Variants in KCNAB1 observed in about 807,000 individuals in gnomAD.
The protein encoded by KCNAB1 is voltage-gated potassium channel subunit beta-1.
A neutral mutation model predicts 64.6 loss-of-function variants in KCNAB1; 35 were observed. The ratio of observed to expected loss-of-function variants is 0.54; its 90% CI spans 0.41 to 0.72. The LOEUF (loss-of-function observed/expected upper bound fraction) is 0.72, where lower values mean the gene tolerates loss of function less well. Ranked by LOEUF, KCNAB1 falls within the 30% of genes least tolerant of loss-of-function variation. The pLI, the probability that KCNAB1 is intolerant of heterozygous loss-of-function variation, is 0.00. For synonymous variants in KCNAB1, 177 were observed against 183.8 expected, an observed-to-expected ratio of 0.96 and a Z score of 0.30; for missense variants, 401 against 512.9, an observed-to-expected ratio of 0.78 and a Z score of 2.11.
In KCNAB1 at chr3:156,538,325, A is replaced by G. The variant is rs1415799338; in HGVS notation, c.*1578A>G. 2 of 152,164 alleles carry G rather than the reference A, an allele frequency of 1.3e-5. No homozygotes were observed. Among genetic ancestry groups the G allele is most frequent in the African/African-American group, 4.8e-5 (2 of 41,428 alleles). 9.4% of individuals were successfully genotyped at this position (152,164 alleles called of 1,614,324 possible). On this transcript the variant is annotated 3_prime_UTR_variant, in exon 14 of 14. Transcript: ENST00000490337. ...ATGCGATTTTTCTGTCATTAGTTCT[A>G]GATATGTACTTCATGGTTAAATTCT...
At chr3:156,513,378 T>C (rs1002888892) in intron 8 of KCNAB1, among the ~76,000 whole-genome samples, 1 of 152,200 alleles carries the variant, frequency 6.6e-6, no homozygotes, top group African/African-American at 2.4e-5. Flanking sequence ...ACTGCAACTC[T>C]ACTTTGAGAC....
chr3:156,350,962 A>G (rs115970962), intron 1 of KCNAB1, among the ~76,000 whole-genome samples: 2,159 of 152,352 alleles, frequency 0.014, 21 homozygotes, highest in South Asian at 0.031. Context: ...ACCGTGTGTG[A>G]AAAGTTTCCT....
At chr3:156,376,758 G>C (rs1711707371) in intron 1 of KCNAB1, among the ~76,000 whole-genome samples, 1 of 152,192 alleles carries the variant, frequency 6.6e-6, no homozygotes, top group African/African-American at 2.4e-5. Context: ...TGCTACCAAG[G>C]GAGGGTTGTT....
At chr3:156,148,056 C>T (rs1466317551) in intron 1 of KCNAB1, among the ~76,000 whole-genome samples, 1 of 152,080 alleles carries the variant, frequency 6.6e-6, no homozygotes, top group Non-Finnish European at 1.5e-5. Flanking sequence ...TCCAGGCTCC[C>T]CGTTATTGTG....
intron 1 of KCNAB1, among the ~76,000 whole-genome samples, chr3:156,217,298 T>G (rs181496361): frequency 6.6e-6 from 1 of 152,236 alleles, no homozygotes; most frequent in African/African-American, 2.4e-5. Flanking sequence ...TTATTATTAC[T>G]TTGGCCTCTC....
intron 1 of KCNAB1, among the ~76,000 whole-genome samples, chr3:156,299,066 A>G (rs1720981856): frequency 6.6e-6 from 1 of 152,244 alleles, no homozygotes; most frequent in Non-Finnish European, 1.5e-5. Context: ...TTGGCCAGTT[A>G]GTTCCTTGGT....
At chr3:156,468,187 C>A (rs984879508) in intron 7 of KCNAB1, among the ~76,000 whole-genome samples, 1 of 151,944 alleles carries the variant, frequency 6.6e-6, no homozygotes, top group East Asian at 1.9e-4. Context: ...TCTTTATAGA[C>A]CTATAAACAA....
chr3:156,200,759 G>A (rs1909374), intron 1 of KCNAB1, among the ~76,000 whole-genome samples: 86,686 of 152,016 alleles, frequency 0.57, 25,355 homozygotes, highest in East Asian at 0.9. Flanking sequence ...TGTGGGAATG[G>A]GACCCGCTGA....
intron 1 of KCNAB1, among the ~76,000 whole-genome samples, chr3:156,189,063 C>T (rs1381618054): frequency 2.0e-5 from 3 of 152,210 alleles, no homozygotes; most frequent in African/African-American, 7.2e-5. Flanking sequence ...GGATGCCCTT[C>T]TCCTGCTCTC....
chr3:156,184,980 A>G (rs1305282570), intron 1 of KCNAB1, among the ~76,000 whole-genome samples: 1 of 152,186 alleles, frequency 6.6e-6, no homozygotes, highest in Non-Finnish European at 1.5e-5. Flanking sequence ...TTAACATTAC[A>G]GTACCTCCAT....
chr3:156,266,363 A>G (rs1174612786), intron 1 of KCNAB1, among the ~76,000 whole-genome samples: 2 of 152,230 alleles, frequency 1.3e-5, no homozygotes, highest in Non-Finnish European at 2.9e-5. Flanking sequence ...ATCTTAACAT[A>G]ATGATTCAAT....
chr3:156,140,599 T>A (rs1246809617), intron 1 of KCNAB1, among the ~76,000 whole-genome samples: 1 of 151,990 alleles, frequency 6.6e-6, no homozygotes, highest in Non-Finnish European at 1.5e-5. Flanking sequence ...ACACTGGGGG[T>A]TAAGATTCCC....
intron 1 of KCNAB1, among the ~76,000 whole-genome samples, chr3:156,337,984 A>G (rs1358248068): frequency 6.6e-6 from 1 of 152,160 alleles, no homozygotes; most frequent in Non-Finnish European, 1.5e-5. Context: ...TCTGGTGGGG[A>G]TGGCGATGTA....
At chr3:156,438,843 G>A (rs1035271998) in intron 2 of KCNAB1, among the ~76,000 whole-genome samples, 3 of 152,000 alleles carry the variant, frequency 2.0e-5, no homozygotes, top group Non-Finnish European at 4.4e-5. Context: ...GTGAAACCCC[G>A]TCTCTACTAG....
At chr3:156,387,347 G>T (rs1292260067) in intron 1 of KCNAB1, among the ~76,000 whole-genome samples, 1 of 152,178 alleles carries the variant, frequency 6.6e-6, no homozygotes, top group Non-Finnish European at 1.5e-5. Flanking sequence ...CCAAAGGTTA[G>T]AATTGGCCTA....
At chr3:156,342,585 C>CTTGTTTTTTTT (rs1724195011) in intron 1 of KCNAB1, among the ~76,000 whole-genome samples, 1 of 86,254 alleles carries the variant, frequency 1.2e-5, no homozygotes, top group Non-Finnish European at 2.5e-5. Flanking sequence ...CTATGTGTTT[C>CTTGTTTTTTTT]TTTTTTTTTT....
chr3:156,318,486 G>T (rs936365243), intron 1 of KCNAB1, among the ~76,000 whole-genome samples: 1 of 152,076 alleles, frequency 6.6e-6, no homozygotes, highest in African/African-American at 2.4e-5. Flanking sequence ...ACCCTATGCT[G>T]CCAGATCTTC....
chr3:156,176,909 C>T, intron 1 of KCNAB1: 1 of 1,065,982 alleles, frequency 9.4e-7, no homozygotes, highest in East Asian at 2.4e-5. Context: ...GCTGTTCTAT[C>T]ATGGCGGCAA....
intron 2 of KCNAB1, among the ~76,000 whole-genome samples, chr3:156,447,420 CA>C (rs1302117948): frequency 5.3e-5 from 8 of 152,096 alleles, no homozygotes; most frequent in African/African-American, 1.9e-4. Context: ...CTAAGTACAA[CA>C]CCTGGCACAC....
Sources: gnomAD v4.1 joint callset for allele counts (sites outside exome capture counted in the v4.1 genomes callset) on GRCh38, gnomAD v4.1.1 for gene constraint, MANE v1.5 for transcripts, NCBI Gene and HGNC (gene_info 2026-07-23, HGNC 2026-07-21) for gene names.